The following SNX19 variants were observed in gnomAD, a reference collection of about 807,000 sequenced individuals.
SNX19 encodes the protein sorting nexin 19, also known as sorting nexin-19.
A neutral mutation model predicts 85.2 loss-of-function variants in SNX19; 60 were observed. The ratio of observed to expected loss-of-function variants is 0.70; its 90% CI spans 0.57 to 0.87. SNX19 has a LOEUF of 0.87. SNX19 is among the 40% of genes least tolerant of loss of function. The probability of loss-of-function intolerance (pLI) is 0.00; values close to 1 mark genes in which losing one functional copy is unlikely to be tolerated. For synonymous variants in SNX19, 520 were observed against 470.0 expected (o/e 1.11, Z -1.38); for missense variants, 1,201 against 1,217.8 (o/e 0.99, Z 0.21).
rs1946140976 is a variant in SNX19 at position 130,911,685 on chromosome 11, C to T, written c.1761G>A (p.Leu587=). Residue 587 remains leucine, a synonymous_variant, in exon 2 of 11, where the codon TTG becomes TTA. Transcript: ENST00000265909. ...HTVNRRYREF[L]NLQTRLEEKP... Reference sequence around the variant, plus strand: ...TCTCCTCCAGACGGGTCTGCAGATTCAAGAACTCCCGATAGCGACGATTCA... The same window carrying T: ...TCTCCTCCAGACGGGTCTGCAGATTTAAGAACTCCCGATAGCGACGATTCA... 7.4e-6 allele frequency: 12 copies of T among 1,614,162 alleles called. No homozygotes were observed. The highest frequency in any genetic ancestry group is 1.0e-5 in the Non-Finnish European group (12 of 1,180,040).
rs1294749193 is a variant in SNX19 at position 130,876,012 on chromosome 11, T to G, written c.*2410A>C. On this transcript the variant is annotated 3_prime_UTR_variant, in exon 11 of 11. Coordinates refer to ENST00000265909, the MANE Select transcript of SNX19 (RefSeq NM_014758.3). ...CAAATAAGCAATGGCAAAGATCACA[T>G]TTAGAATTTGACAGAAAGAACACAG... The G allele has an allele frequency of 6.6e-6, 1 of 152,200 alleles. No homozygotes were observed. Among genetic ancestry groups the G allele is most frequent in the Non-Finnish European group, 1.5e-5 (1 of 68,032 alleles). 9.4% of individuals were successfully genotyped at this position (152,200 alleles called of 1,614,324 possible).
rs565251516 is a variant in SNX19 at position 130,873,855 on chromosome 11, C to T, written c.*4567G>A. 2.6e-5 allele frequency among the ~76,000 whole-genome samples: 4 copies of T among 152,298 alleles called. No homozygotes were observed. In the South Asian group the frequency reaches 6.2e-4, roughly 24 times the overall value. On this transcript the variant is annotated 3_prime_UTR_variant, in exon 11 of 11. Coordinates refer to ENST00000265909, the MANE Select transcript of SNX19 (RefSeq NM_014758.3). ...GACATTGTCTATCAATACCCATTCTCTGCTTCTTCCTTGCTAACATCAATT... is the reference window on the plus strand; with the variant it reads ...GACATTGTCTATCAATACCCATTCTTTGCTTCTTCCTTGCTAACATCAATT...
chr11:130,879,843 C>A (rs1027054979), intron 9 of SNX19, 132 bp from the exon 10 acceptor site: 3 of 684,102 alleles, frequency 4.4e-6, no homozygotes, highest in African/African-American at 3.6e-5. Flanking sequence ...AACCATACAG[C>A]CAAACTAAAA....
At chr11:130,896,979 G>A (rs1352247362) in intron 8 of SNX19, among the ~76,000 whole-genome samples, 1 of 151,562 alleles carries the variant, frequency 6.6e-6, no homozygotes, top group Non-Finnish European at 1.5e-5. Context: ...GAGAACAGTG[G>A]AAGCAAGAGG....
At chr11:130,904,169 G>A (rs1945480790) in intron 7 of SNX19, among the ~76,000 whole-genome samples, 1 of 152,214 alleles carries the variant, frequency 6.6e-6, no homozygotes, top group South Asian at 2.1e-4. Context: ...TTTTGTGGAA[G>A]GAAGCACGTG....
chr11:130,906,284 T>G (rs1349984551), intron 6 of SNX19, 151 bp from the exon 7 acceptor site: 7 of 846,054 alleles, frequency 8.3e-6, no homozygotes, highest in Non-Finnish European at 1.2e-5. Flanking sequence ...GATTTTATTT[T>G]TTACCGAAGT....
intron 8 of SNX19, among the ~76,000 whole-genome samples, chr11:130,886,958 T>G (rs1239829253): frequency 6.6e-6 from 1 of 152,178 alleles, no homozygotes; most frequent in East Asian, 1.9e-4. Context: ...TGGGGAAGAA[T>G]GAGGAGGAAA....
intron 8 of SNX19, among the ~76,000 whole-genome samples, chr11:130,898,696 G>C: frequency 6.6e-6 from 1 of 152,176 alleles, no homozygotes; most frequent in East Asian, 1.9e-4. Context: ...AGCAAATAAA[G>C]CTGAAGCATG....
At chr11:130,898,046 T>A (rs932299185) in intron 8 of SNX19, among the ~76,000 whole-genome samples, 1 of 152,186 alleles carries the variant, frequency 6.6e-6, no homozygotes, top group Non-Finnish European at 1.5e-5. Flanking sequence ...CCCCTCCCAC[T>A]TCTCTCCACA....
chr11:130,914,166 T>A (rs1946355213), intron 1 of SNX19, 100 bp downstream of exon 1: 1 of 1,019,162 alleles, frequency 9.8e-7, no homozygotes, highest in East Asian at 2.5e-5. Context: ...AAGAACCACT[T>A]CAAACTAACA....
intron 8 of SNX19, 70 bp from the exon 9 acceptor site, chr11:130,880,876 T>G: frequency 1.5e-6 from 2 of 1,299,388 alleles, no homozygotes; most frequent in Non-Finnish European, 2.1e-6. Context: ...GCGGACTGAC[T>G]GTTTATGTTC....
Position 130,906,628 on chromosome 11 carries a change from A to G in SNX19, c.2259T>C (p.Asn753=). The change falls in exon 6 of 11, where the codon AAT becomes AAC. Residue 753 remains asparagine, a synonymous_variant. Transcript: ENST00000265909. Reference sequence around the variant, plus strand: ...TTCTCTGGGTTTTGGTTCTTACCACATTGCCTTCCTGGAGACAATAAAGAA... The same window carrying G: ...TTCTCTGGGTTTTGGTTCTTACCACGTTGCCTTCCTGGAGACAATAAAGAA... ...DKILYCLQEG[N]VESETLSMSA... 2 of 1,609,696 alleles carry G rather than the reference A, an allele frequency of 1.2e-6. No homozygotes were observed. Among genetic ancestry groups the G allele is most frequent in the Non-Finnish European group, 1.7e-6 (2 of 1,176,270 alleles).
chr11:130,894,957 A>G (rs940693295), intron 8 of SNX19: 1 of 985,324 alleles, frequency 1.0e-6, no homozygotes, highest in African/African-American at 1.7e-5. Flanking sequence ...TAACAGACAA[A>G]GGAAGTTAAG....
intron 7 of SNX19, among the ~76,000 whole-genome samples, chr11:130,903,708 TATACAC>T (rs1338313706): frequency 8.4e-6 from 1 of 119,628 alleles, no homozygotes; most frequent in African/African-American, 3.1e-5. Context: ...TATATATATA[TATACAC>T]ATACACACAC....
rs1942848842 is a variant in SNX19 at position 130,868,094 on chromosome 11, A to T, written c.*10328T>A. On this transcript the variant is annotated 3_prime_UTR_variant, in exon 11 of 11. Transcript: ENST00000265909. ...TTGCCTGAAGAGTTAAACAGACACAATCTGGATGAGTCTCAAAGATAGTAA... is the reference window on the plus strand; with the variant it reads ...TTGCCTGAAGAGTTAAACAGACACATTCTGGATGAGTCTCAAAGATAGTAA... 1 of 152,196 alleles carries T rather than the reference A, an allele frequency of 6.6e-6. No homozygotes were observed. Among genetic ancestry groups the T allele is most frequent in the African/African-American group, 2.4e-5 (1 of 41,456 alleles). 9.4% of individuals were successfully genotyped at this position (152,196 alleles called of 1,614,324 possible).
At position 130,868,256 on chromosome 11, in the gene SNX19, C is replaced by T. The variant is rs1281218270; in HGVS notation, c.*10166G>A. On this transcript the variant is annotated 3_prime_UTR_variant, in exon 11 of 11. Transcript: ENST00000265909. ...AGAGAATTAGCCTCCTTTGGTGTTA[C>T]TGCTCCTTCCCACTTTAGCTCAGCA... is the stretch of plus-strand genomic sequence containing the variant. 6.6e-6 allele frequency: 1 copy of T among 152,218 alleles called. No individual in the cohort carries two copies. The highest frequency in any genetic ancestry group is 2.4e-5 in the African/African-American group (1 of 41,456). 9.4% of individuals were successfully genotyped at this position (152,218 alleles called of 1,614,324 possible). A position where few individuals can be genotyped will look rare whatever the true frequency, so the allele number is the denominator to read the frequency against.
At chr11:130,905,519 C>G in intron 7 of SNX19, 1 of 569,336 alleles carries the variant, frequency 1.8e-6, no homozygotes, top group Non-Finnish European at 2.9e-6. Context: ...ATAAGGACAG[C>G]GAGCCAAAAA....
chr11:130,879,666 C>A lies in SNX19; in HGVS notation c.2804G>T (p.Trp935Leu). The A allele has an allele frequency of 6.2e-7, 1 of 1,613,986 alleles. No individual in the cohort carries two copies. The highest frequency in any genetic ancestry group is 8.5e-7 in the Non-Finnish European group (1 of 1,179,952). Residue 935 changes from tryptophan to leucine, a missense_variant, in exon 10 of 11, where the codon TGG (tryptophan) becomes TTG (leucine). Physicochemically the swap from Trp to Leu is moderately conservative, Grantham distance 61. This residue lies in a region of SNX19 where 285 missense variants were observed against 295.3 expected (regional missense o/e 0.97). Transcript: ENST00000265909. The part of the protein sequence containing the change: ...ILGVNKCRLS[W>L]GLVLESLQQP... ...TTGTAGTGACTCCAGGACTAGACCC[C>A]AGCTCAGCCGGCATTTGTTCACCCC... is the stretch of plus-strand genomic sequence containing the variant.
chr11:130,897,949 C>G (rs764692827), intron 8 of SNX19, among the ~76,000 whole-genome samples: 3 of 152,154 alleles, frequency 2.0e-5, no homozygotes, highest in Non-Finnish European at 2.9e-5. Flanking sequence ...AGCACAGAAG[C>G]TGACACATGA....
Sources: gnomAD v4.1 joint callset for allele counts (sites outside exome capture counted in the v4.1 genomes callset) on GRCh38, gnomAD v4.1.1 for gene constraint, gnomAD v4.1.1 regional missense constraint, MANE v1.5 for transcripts, NCBI Gene and HGNC (gene_info 2026-07-23, HGNC 2026-07-21) for gene names.